Variants in CNTNAP2 observed in about 807,000 individuals in gnomAD.
The protein encoded by CNTNAP2 is contactin-associated protein-like 2.
CNTNAP2 carries 98 observed loss-of-function variants against 155.2 expected under a neutral mutation model. The ratio of observed to expected loss-of-function variants is 0.63; its 90% CI spans 0.54 to 0.75. The LOEUF (loss-of-function observed/expected upper bound fraction) is 0.75. Ranked by LOEUF, CNTNAP2 falls within the 30% of genes least tolerant of loss-of-function variation. The pLI, the probability that CNTNAP2 is intolerant of heterozygous loss-of-function variation, is 0.00. For synonymous variants in CNTNAP2, 651 were observed against 631.2 expected (o/e 1.03, Z -0.47); for missense variants, 1,727 against 1,688.1 (o/e 1.02, Z -0.40).
chr7:147,269,690 T>A (rs111423645), intron 8 of CNTNAP2, among the ~76,000 whole-genome samples: 2,255 of 152,264 alleles, frequency 0.015, 65 homozygotes, highest in African/African-American at 0.051. Flanking sequence ...CTGAGATTTA[T>A]GTATGGATAG....
chr7:147,634,242 G>A (rs531528478), intron 12 of CNTNAP2, among the ~76,000 whole-genome samples: 12 of 152,070 alleles, frequency 7.9e-5, no homozygotes, highest in Non-Finnish European at 1.5e-4. Context: ...AAGAGAATGT[G>A]GTATATATAC....
chr7:147,980,966 C>G (rs938695805), intron 15 of CNTNAP2, among the ~76,000 whole-genome samples: 1 of 149,218 alleles, frequency 6.7e-6, no homozygotes, highest in African/African-American at 2.5e-5. Flanking sequence ...AGAATGTTCT[C>G]ACATGGACAC....
At chr7:146,280,577 G>A (rs2129084780) in intron 1 of CNTNAP2, among the ~76,000 whole-genome samples, 1 of 152,244 alleles carries the variant, frequency 6.6e-6, no homozygotes, top group South Asian at 2.1e-4. Flanking sequence ...GAGAGTCTGA[G>A]CCTCAGTGAT....
Position 148,000,277 on chromosome 7 carries a change from G to A in CNTNAP2, c.2383+22288G>A, listed in dbSNP as rs532512989. 9.9e-5 allele frequency among the ~76,000 whole-genome samples: 15 copies of A among 152,234 alleles called. No individual in the cohort carries two copies. In the East Asian group the frequency reaches 2.3e-3, roughly 24 times the overall value. On this transcript the variant is annotated intron_variant, in intron 15 of 23. Transcript: ENST00000361727. ...TTCCTGGTGCTCCTCTGTATGATGG[G>A]CATGGCTACCTATGCCTGCCCTCCA...
intron 3 of CNTNAP2, among the ~76,000 whole-genome samples, chr7:147,033,884 A>G (rs1799093721): frequency 6.6e-6 from 1 of 152,094 alleles, no homozygotes; most frequent in Non-Finnish European, 1.5e-5. Context: ...GGCTTCATAC[A>G]GGAAAGAACT....
intron 10 of CNTNAP2, among the ~76,000 whole-genome samples, chr7:147,410,151 T>C: frequency 6.6e-6 from 1 of 152,128 alleles, no homozygotes; most frequent in Non-Finnish European, 1.5e-5. Flanking sequence ...GGAATCAACC[T>C]AAATGCCCAT....
intron 11 of CNTNAP2, among the ~76,000 whole-genome samples, chr7:147,551,517 G>T: frequency 6.6e-6 from 1 of 152,138 alleles, no homozygotes; most frequent in East Asian, 1.9e-4. Context: ...AGCAATGTAA[G>T]CCACATTTAG....
chr7:147,259,512 A>G (rs939462180), intron 8 of CNTNAP2, among the ~76,000 whole-genome samples: 1 of 152,210 alleles, frequency 6.6e-6, no homozygotes, highest in Non-Finnish European at 1.5e-5. Context: ...TAAATAAACA[A>G]TATTTTTAAG....
chr7:148,191,564 C>T (rs527457874), intron 18 of CNTNAP2, among the ~76,000 whole-genome samples: 71 of 152,318 alleles, frequency 4.7e-4, no homozygotes, highest in Middle Eastern at 3.4e-3. Context: ...GGCTGGCAGT[C>T]TGAGATCAGT....
At chr7:147,743,112 A>G (rs1796979818) in intron 13 of CNTNAP2, among the ~76,000 whole-genome samples, 2 of 152,216 alleles carry the variant, frequency 1.3e-5, no homozygotes, top group Non-Finnish European at 1.5e-5. Context: ...TTAAACATAC[A>G]CTAAGGTCAA....
chr7:147,868,967 A>C (rs1394952014), intron 13 of CNTNAP2, among the ~76,000 whole-genome samples: 1 of 152,130 alleles, frequency 6.6e-6, no homozygotes, highest in African/African-American at 2.4e-5. Flanking sequence ...CTCACCCTCC[A>C]TGGGCTGCAC....
chr7:146,191,457 T>C (rs776049513), intron 1 of CNTNAP2, among the ~76,000 whole-genome samples: 14 of 152,192 alleles, frequency 9.2e-5, no homozygotes, highest in Non-Finnish European at 1.6e-4. Flanking sequence ...TGGGCACATA[T>C]TGTCATTGAT....
intron 12 of CNTNAP2, among the ~76,000 whole-genome samples, chr7:147,605,570 T>A (rs1323475006): frequency 6.6e-6 from 1 of 152,050 alleles, no homozygotes; most frequent in Non-Finnish European, 1.5e-5. Flanking sequence ...CGAGTCTGAG[T>A]CACAATCTGG....
intron 2 of CNTNAP2, among the ~76,000 whole-genome samples, chr7:146,816,515 A>C (rs1283756529): frequency 2.0e-5 from 3 of 152,216 alleles, no homozygotes; most frequent in Non-Finnish European, 4.4e-5. Flanking sequence ...ACTAATGGGC[A>C]CACACTGTAA....
intron 9 of CNTNAP2, among the ~76,000 whole-genome samples, chr7:147,363,194 T>C (rs990109991): frequency 6.6e-6 from 1 of 152,096 alleles, no homozygotes; most frequent in Non-Finnish European, 1.5e-5. Flanking sequence ...AGCACTCCTA[T>C]AAAAAGAGAA....
chr7:147,024,171 C>A (rs1302885116), intron 3 of CNTNAP2, among the ~76,000 whole-genome samples: 1 of 152,122 alleles, frequency 6.6e-6, no homozygotes, highest in African/African-American at 2.4e-5. Flanking sequence ...GGACTAAATT[C>A]AAAAATGACA....
chr7:146,158,995 G>A lies in CNTNAP2; in HGVS notation c.97+42022G>A, dbSNP rs557362761. 3.3e-3 allele frequency among the ~76,000 whole-genome samples: 496 copies of A among 152,300 alleles called. 1 individual carries two copies. Among genetic ancestry groups the A allele is most frequent in the Non-Finnish European group, 3.8e-3 (260 of 68,034 alleles). On this transcript the variant is annotated intron_variant, in intron 1 of 23. Coordinates refer to ENST00000361727, the MANE Select transcript of CNTNAP2 (RefSeq NM_014141.6). ...AATGTTAAGGGCAGCCAGAGAGAAAGGTCGGGTTACCCACAAAGGGAAGCC... is the reference window on the plus strand; with the variant it reads ...AATGTTAAGGGCAGCCAGAGAGAAAAGTCGGGTTACCCACAAAGGGAAGCC...
rs1462105703 is a variant in CNTNAP2, at chr7:146,116,837, G to C, written c.-40G>C. The C allele has an allele frequency of 3.3e-6, 5 of 1,498,456 alleles. No homozygotes were observed. In the East Asian group the frequency reaches 1.2e-4, roughly 37 times the overall value. 92.8% of individuals were successfully genotyped at this position (1,498,456 alleles called of 1,614,324 possible). ...CTACGGAGAGTCGGACTGCATCTCC[G>C]CAGCGAGCTCTTGGAGCGCCGCCGG... On this transcript the variant is annotated 5_prime_UTR_variant, in exon 1 of 24. Transcript: ENST00000361727. This position sits in a 1 kb window ranked among gnomAD's most constrained non-coding sequence, Gnocchi z 5.5.
At chr7:146,188,268 A>G (rs1311367780) in intron 1 of CNTNAP2, among the ~76,000 whole-genome samples, 5 of 152,200 alleles carry the variant, frequency 3.3e-5, no homozygotes, top group Non-Finnish European at 5.9e-5. Context: ...GATTTGAAAC[A>G]GTACAGTGAG....
Sources: gnomAD v4.1 joint callset for allele counts (sites outside exome capture counted in the v4.1 genomes callset) on GRCh38, gnomAD v4.1.1 for gene constraint, Gnocchi (gnomAD v3.1) non-coding constraint, MANE v1.5 for transcripts, NCBI Gene and HGNC (gene_info 2026-07-23, HGNC 2026-07-21) for gene names.